NRXN3: variants seen among roughly 807,000 people sequenced by gnomAD.
NRXN3 encodes the protein neurexin 3.
In NRXN3, 32 loss-of-function variants were observed where a neutral mutation model predicts 137.6. That is an observed-to-expected ratio of 0.23 (90% confidence interval 0.18 to 0.31). The LOEUF (loss-of-function observed/expected upper bound fraction) is 0.31, where lower values mean the gene tolerates loss of function less well. Among genes scored for constraint, NRXN3 ranks in the 10% least tolerant of loss-of-function variants. NRXN3 has a pLI of 1.00. For missense variants in NRXN3, 1,574 were observed against 2,062.5 expected, an observed-to-expected ratio of 0.76 and a Z score of 4.59; for synonymous variants, 798 against 784.5, an observed-to-expected ratio of 1.02 and a Z score of -0.29.
At chr14:78,430,461 G>T (rs1217961627) in intron 4 of NRXN3, among the ~76,000 whole-genome samples, 1 of 152,148 alleles carries the variant, frequency 6.6e-6, no homozygotes, top group African/African-American at 2.4e-5. Context: ...ACTCAAAGAG[G>T]CTAAGTGACT....
chr14:79,189,553 T>G (rs2063992926), intron 15 of NRXN3, among the ~76,000 whole-genome samples: 1 of 151,470 alleles, frequency 6.6e-6, no homozygotes, highest in Admixed American at 6.6e-5. Context: ...AAAAAAAAAG[T>G]CCCTTTCTTC....
intron 15 of NRXN3, among the ~76,000 whole-genome samples, chr14:79,222,547 C>T (rs151031103): frequency 5.3e-5 from 8 of 152,238 alleles, no homozygotes; most frequent in African/African-American, 1.9e-4. Flanking sequence ...TACCAAGGAG[C>T]ACAACTGCTG....
At chr14:78,733,274 G>A (rs920126200) in intron 8 of NRXN3, among the ~76,000 whole-genome samples, 2 of 152,094 alleles carry the variant, frequency 1.3e-5, no homozygotes, top group African/African-American at 4.8e-5. Flanking sequence ...GACGGTGATA[G>A]GTTCAGGGCA....
intron 6 of NRXN3, 129 bp downstream of exon 6, chr14:78,651,455 T>C: frequency 3.6e-6 from 4 of 1,115,680 alleles, no homozygotes; most frequent in Non-Finnish European, 3.8e-6. Context: ...GAAACAACCT[T>C]GAACTTGGAA....
chr14:78,734,151 T>G (rs1037108839), intron 8 of NRXN3, among the ~76,000 whole-genome samples: 1 of 150,886 alleles, frequency 6.6e-6, no homozygotes, highest in African/African-American at 2.4e-5. Context: ...AATCAGGGAT[T>G]TAGTGTGAAA....
chr14:79,469,216 T>C (rs1027844721), intron 16 of NRXN3, among the ~76,000 whole-genome samples: 3 of 152,212 alleles, frequency 2.0e-5, no homozygotes, highest in African/African-American at 7.2e-5. Flanking sequence ...TAGTGTACTA[T>C]TGTTTTATCC....
At chr14:78,916,623 C>T (rs973714701) in intron 10 of NRXN3, among the ~76,000 whole-genome samples, 4 of 152,096 alleles carry the variant, frequency 2.6e-5, no homozygotes, top group Non-Finnish European at 5.9e-5. Context: ...TAAGGAGAGG[C>T]TAGTTCATGT....
At chr14:79,254,748 C>T (rs758216475) in intron 15 of NRXN3, among the ~76,000 whole-genome samples, 9 of 152,148 alleles carry the variant, frequency 5.9e-5, no homozygotes, top group Non-Finnish European at 1.3e-4. Flanking sequence ...AGAGGGGAAA[C>T]TAGTGAAAAA....
intron 7 of NRXN3, 26 bp downstream of exon 7, chr14:78,709,681 G>A (rs1200861157): frequency 1.9e-6 from 3 of 1,577,150 alleles, no homozygotes; most frequent in Non-Finnish European, 2.6e-6. Flanking sequence ...ATGTGTGACT[G>A]AGACTAGACG....
At chr14:79,386,549 C>G (rs986384951) in intron 15 of NRXN3, among the ~76,000 whole-genome samples, 8 of 151,964 alleles carry the variant, frequency 5.3e-5, no homozygotes, top group South Asian at 2.1e-4. Flanking sequence ...TAGATTCAAT[C>G]TCATCCCCAT....
At chr14:78,995,036 C>T (rs1013716044) in intron 15 of NRXN3, among the ~76,000 whole-genome samples, 4 of 152,124 alleles carry the variant, frequency 2.6e-5, no homozygotes, top group Admixed American at 1.3e-4. Flanking sequence ...CATTCTTATT[C>T]GATTTGCTGC....
intron 4 of NRXN3, among the ~76,000 whole-genome samples, chr14:78,484,529 G>C (rs1171206463): frequency 6.6e-6 from 1 of 152,080 alleles, no homozygotes; most frequent in Non-Finnish European, 1.5e-5. Flanking sequence ...TTTTCTGGGG[G>C]AGAGGGGGCC....
At chr14:79,486,960 T>TCTCTCTCTCTCTCTCTCTCTCC (rs1365006345) in intron 16 of NRXN3, among the ~76,000 whole-genome samples, 3 of 112,102 alleles carry the variant, frequency 2.7e-5, no homozygotes, top group African/African-American at 1.1e-4. Context: ...TCTCTCTCTC[T>TCTCTCTCTCTCTCTCTCTCTCC]CCCACACACA....
chr14:79,466,075 G>A (rs59960626), intron 15 of NRXN3, among the ~76,000 whole-genome samples: 10,297 of 152,066 alleles, frequency 0.068, 605 homozygotes, highest in East Asian at 0.33. Context: ...GAGTTCATAT[G>A]GATAATAGTA....
chr14:79,259,454 C>T (rs975864670), intron 15 of NRXN3, among the ~76,000 whole-genome samples: 1 of 151,198 alleles, frequency 6.6e-6, no homozygotes, highest in Non-Finnish European at 1.5e-5. Flanking sequence ...TTTCTAAAAC[C>T]CTTATCTGCA....
chr14:78,573,162 C>T lies in NRXN3; in HGVS notation c.758-71958C>T, dbSNP rs560448387. Among the ~76,000 whole-genome samples the T allele has an allele frequency of 2.6e-5, 4 of 152,286 alleles. No homozygotes were observed. In the South Asian group the frequency reaches 8.3e-4, roughly 32 times the overall value. ...TGATTGTAAGTTTCCTGAGGTCTCA[C>T]CAGCCATGCAGAACTGTGAGCCAGT... On this transcript the variant is annotated intron_variant, in intron 4 of 20. Transcript: ENST00000335750.
chr14:78,365,700 G>A lies in NRXN3; in HGVS notation c.757+67840G>A, dbSNP rs77700192. On this transcript the variant is annotated intron_variant, in intron 4 of 20. Coordinates refer to ENST00000335750, the MANE Select transcript of NRXN3 (RefSeq NM_001330195.2). The stretch of plus-strand genomic sequence containing the variant: ...GTGGAGACTAATTTGCTCATATGAG[G>A]TTGAAAACTCAAGGATAGAATATTG... 8.1e-3 allele frequency among the ~76,000 whole-genome samples: 1,241 copies of A among 152,318 alleles called. 39 individuals carry two copies. In the East Asian group the frequency reaches 0.084, roughly 10 times the overall value.
Position 79,861,317 on chromosome 14 carries a change from T to A in NRXN3, c.4094-25T>A, listed in dbSNP as rs2141956846. ...GCCCCCTACTGATGATGAAGATTTTTACACCACCTTCTCCTTGGTAACAGA... is the reference window on the plus strand; with the variant it reads ...GCCCCCTACTGATGATGAAGATTTTAACACCACCTTCTCCTTGGTAACAGA... On this transcript the variant is annotated intron_variant, in intron 20 of 20. Coordinates refer to ENST00000335750, the MANE Select transcript of NRXN3 (RefSeq NM_001330195.2). This position sits in a 1 kb window ranked among gnomAD's most constrained non-coding sequence, Gnocchi z 5.4. The A allele has an allele frequency of 6.5e-7, 1 of 1,536,136 alleles. No homozygotes were observed. Among genetic ancestry groups the A allele is most frequent in the South Asian group, 1.2e-5 (1 of 84,058 alleles).
At chr14:78,655,718 C>A (rs1200186968) in intron 6 of NRXN3, among the ~76,000 whole-genome samples, 1 of 152,032 alleles carries the variant, frequency 6.6e-6, no homozygotes, top group African/African-American at 2.4e-5. Flanking sequence ...CCTCATGGAG[C>A]TCTGAAATCT....
Sources: allele counts gnomAD v4.1 joint callset (sites outside exome capture counted in the v4.1 genomes callset), GRCh38; gene constraint gnomAD v4.1.1; non-coding constraint Gnocchi (gnomAD v3.1); transcripts MANE v1.5; gene names NCBI Gene and HGNC (gene_info 2026-07-23, HGNC 2026-07-21).